ORC4: variants seen among roughly 807,000 people sequenced by gnomAD.
The protein encoded by ORC4 is origin recognition complex subunit 4, also known as origin recognition complex, subunit 4 homolog.
Under a neutral mutation model 63.9 loss-of-function variants are expected in ORC4, and 55 were observed. That is an observed-to-expected ratio of 0.86 (90% CI 0.69 to 1.08). The LOEUF (loss-of-function observed/expected upper bound fraction) is 1.08, where lower values mean the gene tolerates loss of function less well. Ranked by LOEUF, ORC4 falls within the 50% of genes least tolerant of loss-of-function variation. The pLI is 0.00. For synonymous variants in ORC4, 150 were observed against 168.5 expected (o/e 0.89, Z 0.85); for missense variants, 511 against 504.4 (o/e 1.01, Z -0.13).
intron 4 of ORC4, chr2:147,960,240 A>C (rs1689513292): frequency 1.0e-6 from 1 of 985,042 alleles, no homozygotes; most frequent in Non-Finnish European, 1.2e-6. Flanking sequence ...CACTCAACTT[A>C]CTTTAAACAC....
intron 7 of ORC4, among the ~76,000 whole-genome samples, chr2:147,954,703 C>G (rs1689146566): frequency 6.6e-6 from 1 of 151,846 alleles, no homozygotes; most frequent in South Asian, 2.1e-4. Flanking sequence ...AATTAAGTAA[C>G]CAGAATTATG....
At position 147,962,877 on chromosome 2, in the gene ORC4, G is replaced by T. The variant is rs573647047; in HGVS notation, c.226-4011C>A. ...TCAGAGCCTGAAAAATAGCCCAGAA[G>T]GTTACCCCTGGCAGGCATGCCCCCA... On this transcript the variant is annotated intron_variant, in intron 4 of 13. Transcript: ENST00000392857. Among the ~76,000 whole-genome samples the T allele has an allele frequency of 5.3e-5, 8 of 152,150 alleles. No homozygotes were observed. The East Asian group carries it at 1.4e-3, about 26-fold the overall frequency.
intron 1 of ORC4, among the ~76,000 whole-genome samples, chr2:147,977,762 C>T (rs1472419823): frequency 6.6e-6 from 1 of 152,162 alleles, no homozygotes; most frequent in Non-Finnish European, 1.5e-5. Context: ...TGAAGATATG[C>T]AGAGAAAAGA....
intron 1 of ORC4, among the ~76,000 whole-genome samples, chr2:148,008,924 C>T (rs943683855): frequency 1.1e-4 from 16 of 151,490 alleles, no homozygotes; most frequent in Admixed American, 9.2e-4. Context: ...TTTGCAGCAT[C>T]GAAACTTTCT....
intron 1 of ORC4, among the ~76,000 whole-genome samples, chr2:147,988,558 C>T (rs1691371379): frequency 6.6e-6 from 1 of 151,918 alleles, no homozygotes; most frequent in South Asian, 2.1e-4. Flanking sequence ...GGGGTTTCAC[C>T]ATGTTGGCCA....
intron 1 of ORC4, among the ~76,000 whole-genome samples, chr2:148,013,243 A>C (rs1394041924): frequency 6.6e-6 from 1 of 152,128 alleles, no homozygotes; most frequent in Non-Finnish European, 1.5e-5. Context: ...AATGTTATTC[A>C]GCCATAAAAA....
At chr2:148,021,488 T>G, upstream of ORC4, 1 of 577,294 alleles carries the variant, frequency 1.7e-6, no homozygotes, top group East Asian at 4.5e-5. Flanking sequence ...CTGTTGCTGC[T>G]GCTGCTGCTA....
Position 147,934,745 on chromosome 2 carries a change from C to T in ORC4, c.*765G>A, listed in dbSNP as rs540785661. The T allele has an allele frequency of 2.0e-5, 3 of 152,238 alleles. No homozygotes were observed. Among genetic ancestry groups the T allele is most frequent in the East Asian group, 1.9e-4 (1 of 5,184 alleles). The allele number at this position is 152,238 out of a possible 1,614,324, so 9.4% of individuals were successfully genotyped here. ...ATGGTAAAACATTTGTATATTTAGA[C>T]ATAGAAAAGGTACAGTAAAAATATG... is the stretch of plus-strand genomic sequence containing the variant. On this transcript the variant is annotated 3_prime_UTR_variant, in exon 14 of 14. Coordinates refer to ENST00000392857, the MANE Select transcript of ORC4 (RefSeq NM_181741.4).
chr2:147,947,068 C>A (rs545717271), intron 9 of ORC4, among the ~76,000 whole-genome samples: 2 of 151,910 alleles, frequency 1.3e-5, no homozygotes, highest in Non-Finnish European at 2.9e-5. Flanking sequence ...CAAAACGCTT[C>A]CAATTTAGTA....
intron 1 of ORC4, among the ~76,000 whole-genome samples, chr2:147,978,239 T>C (rs1690677543): frequency 6.6e-6 from 1 of 152,226 alleles, no homozygotes; most frequent in Admixed American, 6.5e-5. Context: ...CAGAAGGATG[T>C]ATCTCCTGAC....
At chr2:147,957,293 A>G (rs778036681) in intron 6 of ORC4, among the ~76,000 whole-genome samples, 1 of 149,386 alleles carries the variant, frequency 6.7e-6, no homozygotes, top group African/African-American at 2.4e-5. Context: ...TTATAGATTG[A>G]TTATTAAAGA....
intron 1 of ORC4, among the ~76,000 whole-genome samples, chr2:148,017,118 C>T (rs1693346481): frequency 6.6e-6 from 1 of 152,128 alleles, no homozygotes; most frequent in Admixed American, 6.5e-5. Flanking sequence ...ACATGGTAAA[C>T]ACATAGGAAC....
intron 1 of ORC4, among the ~76,000 whole-genome samples, chr2:148,008,096 C>T (rs1486236226): frequency 6.6e-6 from 1 of 152,180 alleles, no homozygotes; most frequent in African/African-American, 2.4e-5. Flanking sequence ...CTCTCCTAGA[C>T]TAATAAAAGC....
Position 147,934,345 on chromosome 2 carries a change from T to C in ORC4, c.*1165A>G, listed in dbSNP as rs1687928894. 4 of 152,208 alleles carry C rather than the reference T, an allele frequency of 2.6e-5. 1 individual carries two copies. The South Asian group carries it at 8.3e-4, about 32-fold the overall frequency. The allele number at this position is 152,208 out of a possible 1,614,324, so 9.4% of individuals were successfully genotyped here. ...AAATTTCATTTTAAATATATGCCTC[T>C]GTTAATTCATGGATCTTGGAACTTA... On this transcript the variant is annotated 3_prime_UTR_variant, in exon 14 of 14. Transcript: ENST00000392857.
At chr2:147,971,002 T>TG (rs1408587430) in intron 4 of ORC4, among the ~76,000 whole-genome samples, 2 of 151,306 alleles carry the variant, frequency 1.3e-5, no homozygotes, top group African/African-American at 4.8e-5. Flanking sequence ...CCAGGTGTGA[T>TG]GGTGCATGCT....
chr2:147,950,657 C>T (rs889512281), intron 8 of ORC4, among the ~76,000 whole-genome samples: 8 of 150,450 alleles, frequency 5.3e-5, no homozygotes, highest in East Asian at 2.0e-4. Flanking sequence ...CCCAGCTACT[C>T]GGGAGGCTAA....
intron 4 of ORC4, among the ~76,000 whole-genome samples, chr2:147,966,164 CAAAAG>C (rs1261953930): frequency 6.6e-6 from 1 of 151,802 alleles, no homozygotes; most frequent in Non-Finnish European, 1.5e-5. Context: ...TTCCTAGAAA[CAAAAG>C]AAAATAGAAA....
chr2:147,960,427 TATC>T (rs1689522256), intron 4 of ORC4: 3 of 785,094 alleles, frequency 3.8e-6, no homozygotes, highest in Non-Finnish European at 4.6e-6. Context: ...TTGAATATGT[TATC>T]ATTTCAAATA....
chr2:147,976,460 C>T (rs1285680990), intron 1 of ORC4, among the ~76,000 whole-genome samples: 1 of 152,150 alleles, frequency 6.6e-6, no homozygotes, highest in Non-Finnish European at 1.5e-5. Flanking sequence ...ATATTTGCTT[C>T]ACTGCAATGG....
Sources: gnomAD v4.1 joint callset for allele counts (sites outside exome capture counted in the v4.1 genomes callset) on GRCh38, gnomAD v4.1.1 for gene constraint, MANE v1.5 for transcripts, NCBI Gene and HGNC (gene_info 2026-07-23, HGNC 2026-07-21) for gene names.